GPC4: variants seen among roughly 807,000 people sequenced by gnomAD.
The protein encoded by GPC4 is glypican-4.
GPC4 carries 10 observed loss-of-function variants against 35.0 expected under a neutral mutation model. That is an observed-to-expected ratio of 0.29 (90% CI 0.18 to 0.48). The LOEUF (loss-of-function observed/expected upper bound fraction) is 0.48, where lower values mean the gene tolerates loss of function less well. Among genes scored for constraint, GPC4 ranks in the 20% least tolerant of loss-of-function variants. The pLI is 0.99. For missense variants in GPC4, 322 were observed against 451.3 expected (o/e 0.71, Z 2.60); for synonymous variants, 167 against 170.2 (o/e 0.98, Z 0.15).
chrX:133,413,853 C>A lies in GPC4; in HGVS notation c.160+953G>T, dbSNP rs1236331273. Among the ~76,000 whole-genome samples the A allele has an allele frequency of 6.3e-5, 7 of 111,689 alleles. No homozygotes were observed. The Admixed American group carries it at 6.6e-4, about 11-fold the overall frequency. On this transcript the variant is annotated intron_variant, in intron 1 of 8. Transcript: ENST00000370828. The stretch of plus-strand genomic sequence containing the variant: ...GCTGGGAGGGACGCAGGGCACCCGC[C>A]GAACGCTGCCTCCCCAGCGCTCCGA...
intron 1 of GPC4, among the ~76,000 whole-genome samples, chrX:133,377,524 T>G (rs1027048608): frequency 8.9e-6 from 1 of 112,432 alleles, no homozygotes; most frequent in African/African-American, 3.2e-5. Flanking sequence ...TGCCCTATCA[T>G]GAACACCATC....
chrX:133,330,715 A>C (rs2068415588), intron 2 of GPC4, among the ~76,000 whole-genome samples: 1 of 110,226 alleles, frequency 9.1e-6, no homozygotes, highest in Non-Finnish European at 1.9e-5. Flanking sequence ...TAGGAGCCCA[A>C]GGCGGGAGGA....
intron 4 of GPC4, among the ~76,000 whole-genome samples, chrX:133,307,394 T>C (rs1376095230): frequency 8.9e-6 from 1 of 112,424 alleles, no homozygotes; most frequent in East Asian, 2.8e-4. Flanking sequence ...AACATTTTAA[T>C]GCACGGGGTC....
At chrX:133,368,046 T>A (rs2068597404) in intron 1 of GPC4, among the ~76,000 whole-genome samples, 1 of 110,680 alleles carries the variant, frequency 9.0e-6, no homozygotes, top group African/African-American at 3.3e-5. Flanking sequence ...AGGCCAGGAG[T>A]TTTAGGCTGC....
chrX:133,386,331 T>C (rs2068690169), intron 1 of GPC4, among the ~76,000 whole-genome samples: 2 of 111,529 alleles, frequency 1.8e-5, no homozygotes, highest in African/African-American at 6.5e-5. Flanking sequence ...AGAATACATA[T>C]TTGCTTGTTT....
chrX:133,385,846 A>G (rs148607174), intron 1 of GPC4, among the ~76,000 whole-genome samples: 1,295 of 110,335 alleles, frequency 0.012, 11 homozygotes, highest in Non-Finnish European at 0.019. Flanking sequence ...ACATGTGTAC[A>G]TATTATTAGG....
chrX:133,387,707 G>A (rs1235702339), intron 1 of GPC4, among the ~76,000 whole-genome samples: 1 of 111,913 alleles, frequency 8.9e-6, no homozygotes, highest in African/African-American at 3.2e-5. Context: ...AGTGTTTCCT[G>A]TAAATGAGCG....
chrX:133,327,636 A>AGTTTGTGTGTGAGTGTGTGTGGGTGT (rs1289042509), intron 2 of GPC4, among the ~76,000 whole-genome samples: 1 of 83,287 alleles, frequency 1.2e-5, no homozygotes, highest in African/African-American at 4.4e-5. Flanking sequence ...TGTCCAGGAA[A>AGTTTGTGTGTGAGTGTGTGTGGGTGT]GTGTGTGTGT....
chrX:133,302,943 A>C lies in GPC4; in HGVS notation c.1595T>G (p.Val532Gly). Residue 532 changes from valine (V) to glycine (G), a missense_variant, in exon 9 of 9, where the codon GTC (valine) becomes GGC (glycine). This residue lies in a region of GPC4 where 99 missense variants were observed against 110.0 expected (regional missense o/e 0.90). Coordinates refer to ENST00000370828, the MANE Select transcript of GPC4 (RefSeq NM_001448.3). ...SANEKADSAG[V>G]RPGAQAYLLT... ...GAGGTAGGCCTGTGCCCCAGGACGG[A>C]CACCAGCACTGTCGGCTTTCTCATT... The C allele has an allele frequency of 1.7e-6, 2 of 1,211,850 alleles. No homozygotes were observed. Among genetic ancestry groups the C allele is most frequent in the Non-Finnish European group, 1.1e-6 (1 of 895,479 alleles).
intron 1 of GPC4, among the ~76,000 whole-genome samples, chrX:133,345,063 GTTTT>G (rs1465959452): frequency 8.9e-6 from 1 of 112,094 alleles, no homozygotes; most frequent in East Asian, 2.8e-4. Flanking sequence ...TTTACAAGGG[GTTTT>G]TTTAAGGAGT....
chrX:133,371,380 G>A (rs2068611663), intron 1 of GPC4, among the ~76,000 whole-genome samples: 1 of 112,166 alleles, frequency 8.9e-6, no homozygotes, highest in South Asian at 3.7e-4. Context: ...AGGCAAATAT[G>A]TAGTCCTTTG....
chrX:133,370,503 C>T (rs771805315), intron 1 of GPC4, among the ~76,000 whole-genome samples: 23 of 111,634 alleles, frequency 2.1e-4, no homozygotes, highest in Non-Finnish European at 4.0e-4. Flanking sequence ...TAAAGTTCTT[C>T]AGGGTTTTTG....
At chrX:133,357,175 G>A (rs985104031) in intron 1 of GPC4, among the ~76,000 whole-genome samples, 1 of 109,823 alleles carries the variant, frequency 9.1e-6, no homozygotes, top group African/African-American at 3.3e-5. Flanking sequence ...CTTGAGGCCA[G>A]GAGTTCGAGA....
At chrX:133,327,686 T>TGTGTGTGTGTGTGTGTGTGTG in intron 2 of GPC4, among the ~76,000 whole-genome samples, 1 of 92,456 alleles carries the variant, frequency 1.1e-5, no homozygotes, top group African/African-American at 3.8e-5. Context: ...TGTGTGTGTG[T>TGTGTGTGTGTGTGTGTGTGTG]TTATGCTAGC....
intron 1 of GPC4, among the ~76,000 whole-genome samples, chrX:133,347,379 G>A (rs1243127763): frequency 9.8e-6 from 1 of 102,321 alleles, no homozygotes; most frequent in Non-Finnish European, 2.0e-5. Context: ...AATACTTGAT[G>A]TAATTCTAAT....
chrX:133,312,660 G>GGAAAGGAAAA (rs2068321138), intron 3 of GPC4, among the ~76,000 whole-genome samples: 1 of 93,804 alleles, frequency 1.1e-5, no homozygotes, highest in African/African-American at 4.5e-5. Flanking sequence ...AAAGGAAGAA[G>GGAAAGGAAAA]GAAAGGAAAG....
In GPC4 at chrX:133,414,566, C is replaced by T. The variant is rs751004842; in HGVS notation, c.160+240G>A. ...GGAGCGCGACAGTCGCACTGGGCAA[C>T]CCGGCGGCGCCCCTCCGCTCGCAGT... On this transcript the variant is annotated intron_variant, in intron 1 of 8. Transcript: ENST00000370828. 6 of 751,964 alleles carry T rather than the reference C, an allele frequency of 8.0e-6. No individual in the cohort carries two copies. In the African/African-American group the frequency reaches 1.2e-4, roughly 15 times the overall value. The allele number at this position is 751,964 out of a possible 1,213,427, so 62.0% of individuals were successfully genotyped here.
chrX:133,409,706 T>G (rs781573547), intron 1 of GPC4, among the ~76,000 whole-genome samples: 2 of 110,861 alleles, frequency 1.8e-5, no homozygotes, highest in Non-Finnish European at 3.8e-5. Flanking sequence ...CCCTGGAGAG[T>G]TCAGAAGTGA....
In GPC4 at chrX:133,334,786, G is replaced by A. The variant is rs781564199; in HGVS notation, c.319+4397C>T. Among the ~76,000 whole-genome samples the A allele has an allele frequency of 8.1e-5, 9 of 111,681 alleles. No individual in the cohort carries two copies. In the South Asian group the frequency reaches 3.4e-3, roughly 43 times the overall value. Reference sequence around the variant, plus strand: ...TTGCTCTGAAAATGACAAATTAAAGGAGTTTTCCCAATAGACTAGCATCAG... The same window carrying A: ...TTGCTCTGAAAATGACAAATTAAAGAAGTTTTCCCAATAGACTAGCATCAG... On this transcript the variant is annotated intron_variant, in intron 2 of 8. Coordinates refer to ENST00000370828, the MANE Select transcript of GPC4 (RefSeq NM_001448.3).
Sources: allele counts gnomAD v4.1 joint callset (sites outside exome capture counted in the v4.1 genomes callset), GRCh38; gene constraint gnomAD v4.1.1; regional missense constraint gnomAD v4.1.1; transcripts MANE v1.5; gene names NCBI Gene and HGNC (gene_info 2026-07-23, HGNC 2026-07-21).